Variants in ARHGAP39 observed in about 807,000 individuals in gnomAD.
The protein encoded by ARHGAP39 is Rho GTPase activating protein 39, also known as rho GTPase-activating protein 39.
Under a neutral mutation model 106.9 loss-of-function variants are expected in ARHGAP39, and 44 were observed. That is an observed-to-expected ratio of 0.41 (90% CI 0.32 to 0.53). The LOEUF (loss-of-function observed/expected upper bound fraction) is 0.53. Ranked by LOEUF, ARHGAP39 falls within the 20% of genes least tolerant of loss-of-function variation. The pLI is 0.21. For missense variants in ARHGAP39, 1,496 were observed against 1,577.3 expected (o/e 0.95, Z 0.87); for synonymous variants, 768 against 693.2 (o/e 1.11, Z -1.69).
intron 2 of ARHGAP39, among the ~76,000 whole-genome samples, chr8:144,600,808 T>A (rs1257927698): frequency 6.6e-6 from 1 of 150,916 alleles, no homozygotes; most frequent in Non-Finnish European, 1.5e-5. Context: ...TCTACCTACC[T>A]GCGCGTGTGT....
At chr8:144,544,476 G>A (rs565464153) in intron 6 of ARHGAP39, among the ~76,000 whole-genome samples, 3 of 152,348 alleles carry the variant, frequency 2.0e-5, no homozygotes, top group Admixed American at 6.5e-5. Context: ...GTGTGTGTGC[G>A]TGCGTGCATG....
chr8:144,529,342 ACGG>A lies in ARHGAP39; in HGVS notation c.*1077_*1079del, dbSNP rs1816551675. Reference sequence around the variant, plus strand: ...GGGCTTTTGTTTTTAATAAATAAAAACGGAACTCTAAAAAATATATATATAAAA... The same window carrying A: ...GGGCTTTTGTTTTTAATAAATAAAAAAACTCTAAAAAATATATATATAAAA... On this transcript the variant is annotated 3_prime_UTR_variant, in exon 12 of 12. Transcript: ENST00000377307. The A allele has an allele frequency of 6.4e-6, 1 of 156,852 alleles. No homozygotes were observed. Among genetic ancestry groups the A allele is most frequent in the Non-Finnish European group, 1.4e-5 (1 of 71,250 alleles). The allele number at this position is 156,852 out of a possible 1,614,324, so 9.7% of individuals were successfully genotyped here. A position where few individuals can be genotyped will look rare whatever the true frequency, so the allele number is the denominator to read the frequency against.
intron 2 of ARHGAP39, among the ~76,000 whole-genome samples, chr8:144,598,689 C>T (rs1162274253): frequency 6.6e-6 from 1 of 152,216 alleles, no homozygotes; most frequent in Non-Finnish European, 1.5e-5. Context: ...AAAAGTATGT[C>T]AGCCCATGAG....
At chr8:144,537,273 T>G (rs1008176145) in intron 7 of ARHGAP39, among the ~76,000 whole-genome samples, 2 of 152,060 alleles carry the variant, frequency 1.3e-5, no homozygotes, top group African/African-American at 4.8e-5. Context: ...GGACGACTCC[T>G]TGCAGATTCT....
intron 2 of ARHGAP39, among the ~76,000 whole-genome samples, chr8:144,600,698 A>G (rs1247164676): frequency 8.4e-3 from 627 of 74,866 alleles, no homozygotes; most frequent in Middle Eastern, 0.034. Flanking sequence ...GTGCGTGGAG[A>G]CGTGCGTGTG....
At chr8:144,603,391 A>C (rs1279209864) in intron 2 of ARHGAP39, among the ~76,000 whole-genome samples, 1 of 152,090 alleles carries the variant, frequency 6.6e-6, no homozygotes, top group Non-Finnish European at 1.5e-5. Flanking sequence ...ACTCCTGCAT[A>C]ATTTTCTAGT....
chr8:144,696,560 G>A, the ARHGAP39 span, among the ~76,000 whole-genome samples: 30 of 152,182 alleles, frequency 2.0e-4, no homozygotes, highest in Admixed American at 3.3e-4. Context: ...TGCCCGTCAC[G>A]GTTACAAAGG....
Position 144,575,836 on chromosome 8 carries a change from C to A in ARHGAP39, c.512+5010G>T, listed in dbSNP as rs779405755. Among the ~76,000 whole-genome samples, 178 of 152,206 alleles carry A rather than the reference C, an allele frequency of 1.2e-3. 3 individuals are homozygous for A. Among genetic ancestry groups the A allele is most frequent in the Admixed American group, 7.9e-4 (12 of 15,278 alleles). ...CCGCAGTGCAGCAGGTCTGTCTACG[C>A]CAGCATCACCACAGACTTGCGAGTA... On this transcript the variant is annotated intron_variant, in intron 3 of 11. Transcript: ENST00000377307.
Position 144,545,810 on chromosome 8 carries a change from A to T in ARHGAP39, c.1960T>A (p.Ser654Thr). The T allele has an allele frequency of 6.5e-7, 1 of 1,535,028 alleles. No homozygotes were observed. Among genetic ancestry groups the T allele is most frequent in the African/African-American group, 1.4e-5 (1 of 73,336 alleles). The stretch of plus-strand genomic sequence containing the variant: ...TGGGCACAGGCAGCGAGGTCCTCAG[A>T]CTGAGAAGGACAAATGCGGCTGGGC... ...SPEPYLHPSQ[S>T]EDLAACAQFE... Residue 654 changes from serine to threonine, a missense_variant and splice_region_variant, in exon 6 of 12, where the codon TCT becomes ACT. Coordinates refer to ENST00000377307, the MANE Select transcript of ARHGAP39 (RefSeq NM_025251.3).
intron 1 of ARHGAP39, among the ~76,000 whole-genome samples, chr8:144,672,674 G>C (rs1220996604): frequency 2.0e-5 from 3 of 152,090 alleles, no homozygotes; most frequent in Non-Finnish European, 4.4e-5. Context: ...TCTTAGTGTT[G>C]ATATTAATTT....
chr8:144,640,548 T>C (rs770907786), intron 1 of ARHGAP39, among the ~76,000 whole-genome samples: 6 of 152,214 alleles, frequency 3.9e-5, no homozygotes, highest in Non-Finnish European at 8.8e-5. Context: ...TGTAAGTCCA[T>C]TAAACCCTTT....
chr8:144,608,928 C>T (rs1820389769), intron 1 of ARHGAP39, among the ~76,000 whole-genome samples: 1 of 152,180 alleles, frequency 6.6e-6, no homozygotes, highest in South Asian at 2.1e-4. Context: ...CCTTGATAAA[C>T]TCACTTATTA....
intron 3 of ARHGAP39, among the ~76,000 whole-genome samples, chr8:144,575,526 T>C (rs1481313407): frequency 4.6e-5 from 7 of 152,116 alleles, no homozygotes; most frequent in African/African-American, 1.7e-4. Context: ...GGCCTACCCA[T>C]GCTCAGGATC....
Position 144,548,092 on chromosome 8 carries a change from C to T in ARHGAP39, c.994G>A (p.Val332Met), listed in dbSNP as rs772777813. ...APIYDEPPMD[V>M]QFEAGGGYQA... ...TAGCCCCCGCCAGCCTCGAATTGCA[C>T]GTCCATGGGGGGCTCATCGTAGATG... The change falls in exon 5 of 12, where the codon GTG (valine) becomes ATG (methionine). Residue 332 changes from valine (V) to methionine (M), a missense_variant. Physicochemically the swap from Val to Met is conservative, Grantham distance 21. This residue lies in a region of ARHGAP39 where 905 missense variants were observed against 816.4 expected (regional missense o/e 1.11). Coordinates refer to ENST00000377307, the MANE Select transcript of ARHGAP39 (RefSeq NM_025251.3). This position sits in a 1 kb window ranked among gnomAD's most constrained non-coding sequence, Gnocchi z 7.4. The T allele has an allele frequency of 3.1e-6, 5 of 1,593,156 alleles. No homozygotes were observed. The highest frequency in any genetic ancestry group is 1.3e-5 in the African/African-American group (1 of 74,412).
chr8:144,666,174 C>CA (rs1339463296), intron 1 of ARHGAP39, among the ~76,000 whole-genome samples: 1 of 152,292 alleles, frequency 6.6e-6, no homozygotes, highest in East Asian at 1.9e-4. Context: ...TTCTTTTGGC[C>CA]AATTTCTCCC....
At chr8:144,618,052 G>A (rs1380714109) in intron 1 of ARHGAP39, among the ~76,000 whole-genome samples, 1 of 152,148 alleles carries the variant, frequency 6.6e-6, no homozygotes, top group African/African-American at 2.4e-5. Context: ...AAAGTGCTGG[G>A]ATTCCAGGTA....
intron 1 of ARHGAP39, among the ~76,000 whole-genome samples, chr8:144,652,196 G>C (rs954443022): frequency 6.6e-6 from 1 of 151,992 alleles, no homozygotes; most frequent in Non-Finnish European, 1.5e-5. Flanking sequence ...TCCAGCCTGG[G>C]CGACAGTGCA....
rs115910075 is a variant in ARHGAP39 at position 144,586,754 on chromosome 8, C to T, written c.81-5477G>A. On this transcript the variant is annotated intron_variant, in intron 2 of 11. Coordinates refer to ENST00000377307, the MANE Select transcript of ARHGAP39 (RefSeq NM_025251.3). The surrounding 1 kb of genome is among the most constrained non-coding windows in gnomAD (Gnocchi z 4.2). ...ATGACAGCCCAGAAGCAGAAGTGTC[C>T]CCAGGATGGTTCCCACTGGCACTGG... Among the ~76,000 whole-genome samples the T allele has an allele frequency of 0.017, 2,578 of 152,300 alleles. 57 individuals carry two copies. The highest frequency in any genetic ancestry group is 0.059 in the African/African-American group (2,468 of 41,530).
upstream of ARHGAP39, among the ~76,000 whole-genome samples, chr8:144,688,472 T>C (rs977838516): frequency 3.3e-5 from 5 of 152,204 alleles, no homozygotes; most frequent in Admixed American, 1.3e-4. Flanking sequence ...GGGGGACCTG[T>C]GTGGTGGCTC....
Sources: gnomAD v4.1 joint callset for allele counts (sites outside exome capture counted in the v4.1 genomes callset) on GRCh38, gnomAD v4.1.1 for gene constraint, gnomAD v4.1.1 regional missense constraint, Gnocchi (gnomAD v3.1) non-coding constraint, MANE v1.5 for transcripts, NCBI Gene and HGNC (gene_info 2026-07-23, HGNC 2026-07-21) for gene names.